NLE1: variants seen among roughly 807,000 people sequenced by gnomAD.
NLE1 encodes the protein notchless protein homolog 1.
Under a neutral mutation model 62.8 loss-of-function variants are expected in NLE1, and 37 were observed. The observed-to-expected ratio is 0.59, with a 90% confidence interval of 0.45 to 0.78. The LOEUF is 0.78. Ranked by LOEUF, NLE1 falls within the 30% of genes least tolerant of loss-of-function variation. The pLI is 0.00. For missense variants in NLE1, 555 were observed against 637.9 expected (o/e 0.87, Z 1.40); for synonymous variants, 243 against 253.0 (o/e 0.96, Z 0.37).
chr17:35,138,284 G>C (rs2091921743), intron 4 of NLE1, among the ~76,000 whole-genome samples: 1 of 152,188 alleles, frequency 6.6e-6, no homozygotes, highest in Non-Finnish European at 1.5e-5. Flanking sequence ...CTAATCTGTG[G>C]TATAGCAGTG....
intron 2 of NLE1, 44 bp downstream of exon 2, chr17:35,141,935 C>A: frequency 6.5e-7 from 1 of 1,531,412 alleles, no homozygotes. Context: ...CCACCGCATC[C>A]GCCCGGGGGT....
intron 6 of NLE1, 123 bp downstream of exon 6, chr17:35,137,420 C>A: frequency 1.1e-6 from 1 of 882,420 alleles, no homozygotes; most frequent in Non-Finnish European, 1.8e-6. Flanking sequence ...GCCTGCCAAG[C>A]CATCACGGTC....
chr17:35,130,574 G>A lies in NLE1; in HGVS notation c.*1863C>T. The A allele has an allele frequency of 1.1e-6, 1 of 897,744 alleles. No homozygotes were observed. Among genetic ancestry groups the A allele is most frequent in the Non-Finnish European group, 1.6e-6 (1 of 607,764 alleles). 55.6% of individuals were successfully genotyped at this position (897,744 alleles called of 1,614,324 possible). Reference sequence around the variant, plus strand: ...AGAGTGGTATGGGCACCCCACCCCTGGGCTGGGGCCAAGGCTACATAGGGG... The same window carrying A: ...AGAGTGGTATGGGCACCCCACCCCTAGGCTGGGGCCAAGGCTACATAGGGG... On this transcript the variant is annotated 3_prime_UTR_variant, in exon 13 of 13. Coordinates refer to ENST00000442241, the MANE Select transcript of NLE1 (RefSeq NM_018096.5).
chr17:35,133,074 G>A (rs2091886748), intron 12 of NLE1, 97 bp downstream of exon 12: 1 of 1,202,450 alleles, frequency 8.3e-7, no homozygotes, highest in South Asian at 1.2e-5. Context: ...CACCTGGACG[G>A]CCCTGCGGAA....
chr17:35,140,734 G>A (rs1194853106), intron 2 of NLE1, among the ~76,000 whole-genome samples: 4 of 152,130 alleles, frequency 2.6e-5, no homozygotes, highest in Non-Finnish European at 5.9e-5. Context: ...GGGACTACAG[G>A]CGCCTGCCAC....
At chr17:35,137,319 G>C (rs2091915203) in intron 6 of NLE1, 126 bp from the exon 7 acceptor site, 2 of 963,858 alleles carry the variant, frequency 2.1e-6, no homozygotes, top group Non-Finnish European at 3.1e-6. Context: ...CCAAGACCCG[G>C]CTGCACTGCA....
chr17:35,135,305 G>A lies in NLE1; in HGVS notation c.1158C>T (p.Ile386=), dbSNP rs2142503194. ...NQVLFSPDSR[I]VASASFDKSI... is the part of the protein sequence containing the mutation. ...ACTTGTCAAAGGAGGCACTAGCCAC[G>A]ATGCGGGAGTCAGGAGAGAAGAGCA... The change falls in exon 10 of 13, where the codon ATC becomes ATT. Residue 386 remains isoleucine, a synonymous_variant. Coordinates refer to ENST00000442241, the MANE Select transcript of NLE1 (RefSeq NM_018096.5). The A allele has an allele frequency of 1.2e-6, 2 of 1,614,152 alleles. No individual in the cohort carries two copies. The highest frequency in any genetic ancestry group is 2.2e-5 in the East Asian group (1 of 44,884).
chr17:35,130,095 CCA>C lies in NLE1; in HGVS notation c.*2340_*2341del, dbSNP rs1258670689. 7.0e-6 allele frequency: 10 copies of C among 1,425,284 alleles called. No homozygotes were observed. The African/African-American group carries it at 1.4e-4, about 21-fold the overall frequency. 88.3% of individuals were successfully genotyped at this position (1,425,284 alleles called of 1,614,324 possible). A position where few individuals can be genotyped will look rare whatever the true frequency, so the allele number is the denominator to read the frequency against. On this transcript the variant is annotated 3_prime_UTR_variant, in exon 13 of 13. Coordinates refer to ENST00000442241, the MANE Select transcript of NLE1 (RefSeq NM_018096.5). ...AGACAGCCCTTTGGTTGGAAATATC[CCA>C]TAATGAGGAGGTACAGGCTTGAGTC...
At position 35,129,687 on chromosome 17, in the gene NLE1, G is replaced by A. The variant is rs1336757719; in HGVS notation, c.*2750C>T. On this transcript the variant is annotated 3_prime_UTR_variant, in exon 13 of 13. Coordinates refer to ENST00000442241, the MANE Select transcript of NLE1 (RefSeq NM_018096.5). ...AGCCCTGGGAAAAGAGGGGCCTTGG[G>A]GGTGGAGAGAAGTCCAAAGCCAGGG... 6.2e-7 allele frequency: 1 copy of A among 1,606,032 alleles called. No individual in the cohort carries two copies. The highest frequency in any genetic ancestry group is 1.7e-5 in the Admixed American group (1 of 58,552).
At chr17:35,136,634 G>A in intron 7 of NLE1, 137 bp from the exon 8 acceptor site, 3 of 1,105,474 alleles carry the variant, frequency 2.7e-6, no homozygotes, top group Admixed American at 2.8e-5. Context: ...CCCCTCTGGG[G>A]TCAAGTCTCT....
At position 35,140,043 on chromosome 17, in the gene NLE1, G is replaced by C; in HGVS notation, c.186C>G (p.Phe62Leu). The C allele has an allele frequency of 6.2e-7, 1 of 1,613,630 alleles. No individual in the cohort carries two copies. The highest frequency in any genetic ancestry group is 8.5e-7 in the Non-Finnish European group (1 of 1,180,014). ...AGACGATCTCAGCATCGTGGACAAA[G>C]AAAGCCAGTGGCAGGGGATCCTCCT... The part of the protein sequence containing the change: ...LAQEDPLPLA[F>L]FVHDAEIVSS... Residue 62 changes from phenylalanine to leucine, a missense_variant, in exon 3 of 13, where the codon TTC becomes TTG. By Grantham distance (22) the Phe-to-Leu change is conservative (BLOSUM62 0). Coordinates refer to ENST00000442241, the MANE Select transcript of NLE1 (RefSeq NM_018096.5).
chr17:35,136,925 T>C lies in NLE1; in HGVS notation c.828+76A>G, dbSNP rs73989545. On this transcript the variant is annotated intron_variant, in intron 7 of 12. Coordinates refer to ENST00000442241, the MANE Select transcript of NLE1 (RefSeq NM_018096.5). The stretch of plus-strand genomic sequence containing the variant: ...CTGGGAAACACTGGACTCGCTGATG[T>C]CAAGGTCATTCTGAGTGCCAGCATC... 4,758 of 1,349,326 alleles carry C rather than the reference T, an allele frequency of 3.5e-3. 148 individuals carry two copies. The African/African-American group carries it at 0.062, about 18-fold the overall frequency. The allele number at this position is 1,349,326 out of a possible 1,614,324, so 83.6% of individuals were successfully genotyped here. A position where few individuals can be genotyped will look rare whatever the true frequency, so the allele number is the denominator to read the frequency against.
At position 35,136,453 on chromosome 17, in the gene NLE1, G is replaced by A. The variant is rs1251839144; in HGVS notation, c.873C>T (p.Asn291=). Reference sequence around the variant, plus strand: ...CATAGTCAGTGCTGAGGGCCATGGTGTTCACCCAGTGGCCGTGGCCTTGCA... The same window carrying A: ...CATAGTCAGTGCTGAGGGCCATGGTATTCACCCAGTGGCCGTGGCCTTGCA... ...RTLQGHGHWV[N]TMALSTDYAL... Residue 291 remains asparagine (N), a synonymous_variant, in exon 8 of 13, where the codon AAC becomes AAT. Coordinates refer to ENST00000442241, the MANE Select transcript of NLE1 (RefSeq NM_018096.5). 12 of 1,613,998 alleles carry A rather than the reference G, an allele frequency of 7.4e-6. No individual in the cohort carries two copies. Among genetic ancestry groups the A allele is most frequent in the Admixed American group, 3.3e-5 (2 of 59,998 alleles).
Position 35,129,747 on chromosome 17 carries a change from C to T in NLE1, c.*2690G>A. The T allele has an allele frequency of 6.6e-7, 1 of 1,513,948 alleles. No individual in the cohort carries two copies. The highest frequency in any genetic ancestry group is 8.8e-7 in the Non-Finnish European group (1 of 1,131,280). 93.8% of individuals were successfully genotyped at this position (1,513,948 alleles called of 1,614,324 possible). ...TTTGGAGGTTGGGAACACCCCTATG[C>T]CCACATGACTCATCTGGCTAGCTTT... On this transcript the variant is annotated 3_prime_UTR_variant, in exon 13 of 13. Transcript: ENST00000442241.
intron 2 of NLE1, among the ~76,000 whole-genome samples, chr17:35,140,803 T>G (rs192384579): frequency 2.1e-4 from 32 of 152,240 alleles, no homozygotes; most frequent in African/African-American, 6.7e-4. Context: ...TTGGCTAAGC[T>G]GGTCTCGAAC....
rs1414823523 is a variant in NLE1 at position 35,142,248 on chromosome 17, G to A, written c.18+10C>T. On this transcript the variant is annotated intron_variant, in intron 1 of 12. Transcript: ENST00000442241. ...GGCGACGCCCCCCGCCCCCATCCAC[G>A]CACACCCACCGGCACTGCTGCCGCC... 4 of 1,549,534 alleles carry A rather than the reference G, an allele frequency of 2.6e-6. No homozygotes were observed. The highest frequency in any genetic ancestry group is 8.7e-7 in the Non-Finnish European group (1 of 1,149,706).
chr17:35,140,220 TTTTA>T (rs1478315760), intron 2 of NLE1, among the ~76,000 whole-genome samples, 154 bp from the exon 3 acceptor site: 1 of 152,158 alleles, frequency 6.6e-6, no homozygotes. Flanking sequence ...GAGCAAGACC[TTTTA>T]TTTATTTATT....
In NLE1 at chr17:35,136,420, G is replaced by T. The variant is rs770303003; in HGVS notation, c.906C>A (p.Arg302=). The T allele has an allele frequency of 6.2e-7, 1 of 1,614,170 alleles. No homozygotes were observed. The highest frequency in any genetic ancestry group is 8.5e-7 in the Non-Finnish European group (1 of 1,180,008). The change falls in exon 8 of 13, where the codon CGC becomes CGA. Residue 302 remains arginine, a synonymous_variant. Coordinates refer to ENST00000442241, the MANE Select transcript of NLE1 (RefSeq NM_018096.5). ...TMALSTDYAL[R]TGAFEPAEAS... The stretch of plus-strand genomic sequence containing the variant: ...CCTCAGCAGGTTCAAAGGCCCCAGT[G>T]CGCAGGGCATAGTCAGTGCTGAGGG...
rs919282674 is a variant in NLE1 at position 35,129,088 on chromosome 17, G to A, written c.*3349C>T. On this transcript the variant is annotated 3_prime_UTR_variant, in exon 13 of 13. Transcript: ENST00000442241. Reference sequence around the variant, plus strand: ...AATACAGATGAAGCTTCGCTTGCTCGCCCACCAATCTCCTCCTGCTGTGCT... The same window carrying A: ...AATACAGATGAAGCTTCGCTTGCTCACCCACCAATCTCCTCCTGCTGTGCT... 5 of 237,340 alleles carry A rather than the reference G, an allele frequency of 2.1e-5. No homozygotes were observed. The East Asian group carries it at 2.5e-4, about 12-fold the overall frequency. The allele number at this position is 237,340 out of a possible 1,614,324, so 14.7% of individuals were successfully genotyped here.
Sources: allele counts gnomAD v4.1 joint callset (sites outside exome capture counted in the v4.1 genomes callset), GRCh38; gene constraint gnomAD v4.1.1; transcripts MANE v1.5; gene names NCBI Gene and HGNC (gene_info 2026-07-23, HGNC 2026-07-21).